Variants in PLXNA4 observed in about 807,000 individuals in gnomAD.
PLXNA4 encodes plexin A4, also known as plexin-A4.
Under a neutral mutation model 191.8 loss-of-function variants are expected in PLXNA4, and 44 were observed. That is an observed-to-expected ratio of 0.23 (90% CI 0.18 to 0.29). The LOEUF (loss-of-function observed/expected upper bound fraction) is 0.29. Ranked by LOEUF, PLXNA4 falls within the 10% of genes least tolerant of loss-of-function variation. The probability of loss-of-function intolerance (pLI) is 1.00; values close to 1 mark genes in which losing one functional copy is unlikely to be tolerated. For missense variants in PLXNA4, 1,800 were observed against 2,488.8 expected, an observed-to-expected ratio of 0.72 and a Z score of 5.89; for synonymous variants, 1,082 against 1,009.5, an observed-to-expected ratio of 1.07 and a Z score of -1.36.
chr7:132,389,256 C>G (rs974137303), intron 3 of PLXNA4, among the ~76,000 whole-genome samples: 2 of 152,186 alleles, frequency 1.3e-5, no homozygotes, highest in South Asian at 4.1e-4. Context: ...TGTGCAGAAG[C>G]TCTTTGGTTT....
At chr7:132,522,507 G>A (rs6944629) in intron 1 of PLXNA4, among the ~76,000 whole-genome samples, 136,348 of 152,280 alleles carry the variant, frequency 0.9, 61,613 homozygotes, top group Non-Finnish European at 0.96. Flanking sequence ...GTTGACTCAC[G>A]CCTGTAATCC....
chr7:132,164,400 C>T lies in PLXNA4; in HGVS notation c.4354-112G>A, dbSNP rs1287974107. 4.8e-6 allele frequency: 7 copies of T among 1,445,244 alleles called. No individual in the cohort carries two copies. The African/African-American group carries it at 8.5e-5, about 18-fold the overall frequency. The allele number at this position is 1,445,244 out of a possible 1,614,324, so 89.5% of individuals were successfully genotyped here. On this transcript the variant is annotated intron_variant, in intron 23 of 31. Coordinates refer to ENST00000321063, the MANE Select transcript of PLXNA4 (RefSeq NM_020911.2). ...ATCCCCTGCCAAGTCCCTGCACCTG[C>T]CCCCACCTGCTTTTATACTCAGCTC...
intron 10 of PLXNA4, among the ~76,000 whole-genome samples, chr7:132,208,973 G>A (rs879920235): frequency 7.9e-5 from 12 of 152,116 alleles, no homozygotes; most frequent in Non-Finnish European, 1.2e-4. Context: ...GGCAGCTCTC[G>A]GCCTGGGAAA....
intron 3 of PLXNA4, among the ~76,000 whole-genome samples, chr7:132,409,214 G>A (rs1794350825): frequency 6.6e-6 from 1 of 152,142 alleles, no homozygotes; most frequent in African/African-American, 2.4e-5. Context: ...CCAGGTTAGG[G>A]AGGTGGGGGC....
chr7:132,146,487 C>T (rs757222755), intron 28 of PLXNA4, 23 bp downstream of exon 28: 4 of 1,614,050 alleles, frequency 2.5e-6, no homozygotes, highest in African/African-American at 1.3e-5. Context: ...GGGCTCCCTG[C>T]ACCCAGTTCT....
At chr7:132,369,628 C>T (rs1256257540) in intron 3 of PLXNA4, among the ~76,000 whole-genome samples, 1 of 152,030 alleles carries the variant, frequency 6.6e-6, no homozygotes, top group Non-Finnish European at 1.5e-5. Flanking sequence ...TAGCCATCAC[C>T]GAAAAGCAGG....
rs1794773252 is a variant in PLXNA4, at chr7:132,126,549, G to C, written c.*3930C>G. ...TTGCATGGGGGAGGTGGAGATGCTG[G>C]GCCAGTACATCAACCTTCACTGCTG... is the stretch of plus-strand genomic sequence containing the variant. On this transcript the variant is annotated 3_prime_UTR_variant, in exon 32 of 32. Coordinates refer to ENST00000321063, the MANE Select transcript of PLXNA4 (RefSeq NM_020911.2). 6.6e-6 allele frequency: 1 copy of C among 152,416 alleles called. No individual in the cohort carries two copies. The highest frequency in any genetic ancestry group is 6.5e-5 in the Admixed American group (1 of 15,276). The allele number at this position is 152,416 out of a possible 1,614,324, so 9.4% of individuals were successfully genotyped here. A position where few individuals can be genotyped will look rare whatever the true frequency, so the allele number is the denominator to read the frequency against.
chr7:132,594,216 C>T (rs1802657943), intron 2 of PLXNA4, among the ~76,000 whole-genome samples: 3 of 152,170 alleles, frequency 2.0e-5, no homozygotes, highest in Admixed American at 1.3e-4. Flanking sequence ...CCAACATGAC[C>T]GGTGTCTTTA....
chr7:132,366,652 A>G (rs1804199875), intron 3 of PLXNA4, among the ~76,000 whole-genome samples: 1 of 152,264 alleles, frequency 6.6e-6, no homozygotes, highest in East Asian at 1.9e-4. Flanking sequence ...TGTTGCAGAA[A>G]AGACATTCCA....
At chr7:132,233,292 T>C (rs541000894) in intron 5 of PLXNA4, among the ~76,000 whole-genome samples, 5 of 152,182 alleles carry the variant, frequency 3.3e-5, no homozygotes, top group South Asian at 4.1e-4. Flanking sequence ...CAGTAATGGA[T>C]AGATGCATAT....
Position 132,165,114 on chromosome 7 carries a change from A to G in PLXNA4, c.4353+20T>C, listed in dbSNP as rs371676110. On this transcript the variant is annotated intron_variant, in intron 23 of 31. Transcript: ENST00000321063. ...GAATGAACGAGGCAAGGCCAGAAAT[A>G]CGTCCACATCCAACCCTACCTTGAG... 3 of 1,610,646 alleles carry G rather than the reference A, an allele frequency of 1.9e-6. No individual in the cohort carries two copies. Among genetic ancestry groups the G allele is most frequent in the Non-Finnish European group, 2.5e-6 (3 of 1,177,730 alleles).
chr7:132,279,284 C>T (rs1037743257), intron 4 of PLXNA4, among the ~76,000 whole-genome samples: 6 of 152,156 alleles, frequency 3.9e-5, no homozygotes, highest in Non-Finnish European at 8.8e-5. Flanking sequence ...CACACAAATA[C>T]ATTCATTTTC....
rs193103437 is a variant in PLXNA4 at position 132,449,060 on chromosome 7, A to G, written c.1371+40232T>C. 1.5e-4 allele frequency among the ~76,000 whole-genome samples: 23 copies of G among 152,348 alleles called. No homozygotes were observed. In the East Asian group the frequency reaches 4.1e-3, roughly 27 times the overall value. On this transcript the variant is annotated intron_variant, in intron 3 of 31. Coordinates refer to ENST00000321063, the MANE Select transcript of PLXNA4 (RefSeq NM_020911.2). ...GGTGGCAAACCACTGGTTTATGATC[A>G]GATGTCAAGACTTTTCAAATCCCTT...
chr7:132,217,608 A>G (rs1434352031), intron 9 of PLXNA4, among the ~76,000 whole-genome samples: 1 of 152,092 alleles, frequency 6.6e-6, no homozygotes, highest in Non-Finnish European at 1.5e-5. Flanking sequence ...AACCCTCCAA[A>G]TTTATACTCA....
At chr7:132,139,722 A>T (rs1795210322) in intron 30 of PLXNA4, among the ~76,000 whole-genome samples, 1 of 152,234 alleles carries the variant, frequency 6.6e-6, no homozygotes, top group Admixed American at 6.5e-5. Context: ...TAGGAAGGTT[A>T]TTTGGGAGTC....
chr7:132,204,453 C>T (rs902773997), intron 10 of PLXNA4, among the ~76,000 whole-genome samples: 3 of 152,218 alleles, frequency 2.0e-5, no homozygotes, highest in African/African-American at 7.2e-5. Flanking sequence ...GGAATTGAGA[C>T]AGATTTTCTG....
chr7:132,357,591 A>G (rs771171018), intron 3 of PLXNA4, among the ~76,000 whole-genome samples: 1 of 152,198 alleles, frequency 6.6e-6, no homozygotes, highest in Non-Finnish European at 1.5e-5. Flanking sequence ...CCTGGTTGCC[A>G]TGAAGATAGG....
chr7:132,248,001 A>G (rs1331074147), intron 4 of PLXNA4, among the ~76,000 whole-genome samples: 1 of 152,108 alleles, frequency 6.6e-6, no homozygotes, highest in African/African-American at 2.4e-5. Flanking sequence ...CTCCACCCCT[A>G]TGGCCTCATG....
chr7:132,490,222 C>T (rs1464881448), intron 2 of PLXNA4, among the ~76,000 whole-genome samples: 1 of 152,164 alleles, frequency 6.6e-6, no homozygotes, highest in Non-Finnish European at 1.5e-5. Flanking sequence ...TCCCAAAGTG[C>T]CATCCATGGA....
Sources: gnomAD v4.1 joint callset for allele counts (sites outside exome capture counted in the v4.1 genomes callset) on GRCh38, gnomAD v4.1.1 for gene constraint, MANE v1.5 for transcripts, NCBI Gene and HGNC (gene_info 2026-07-23, HGNC 2026-07-21) for gene names.